The following LRCH2 variants were observed in gnomAD, a reference collection of about 807,000 sequenced individuals.
LRCH2 encodes leucine rich repeats and calponin homology domain containing 2, also known as leucine-rich repeat and calponin homology domain-containing protein 2.
Under a neutral mutation model 68.9 loss-of-function variants are expected in LRCH2, and 38 were observed. The observed-to-expected ratio is 0.55, with a 90% CI of 0.43 to 0.72. The LOEUF is 0.72. Among genes scored for constraint, LRCH2 ranks in the 30% least tolerant of loss-of-function variants. The pLI, the probability that LRCH2 is intolerant of heterozygous loss-of-function variation, is 0.00. For synonymous variants in LRCH2, 191 were observed against 208.1 expected (o/e 0.92, Z 0.71); for missense variants, 528 against 572.9 (o/e 0.92, Z 0.80).
In LRCH2 at chrX:115,184,489, A is replaced by G; in HGVS notation, c.543T>C (p.Leu181=). The G allele has an allele frequency of 8.4e-7, 1 of 1,189,518 alleles. No homozygotes were observed. The highest frequency in any genetic ancestry group is 1.9e-5 in the South Asian group (1 of 51,867). ...TATTATTACTGACGACCAAAACTTT[A>G]AGGGGAAGATCAAATAGGTATTTTG... The part of the protein sequence containing the change: ...TLPKYLFDLP[L]KVLVVSNNKL... Residue 181 remains leucine (L), a synonymous_variant, in exon 3 of 21, where the codon CTT becomes CTC. Transcript: ENST00000317135.
chrX:115,183,877 T>C (rs1275762635), intron 3 of LRCH2, among the ~76,000 whole-genome samples: 4 of 112,278 alleles, frequency 3.6e-5, no homozygotes, highest in African/African-American at 1.3e-4. Flanking sequence ...TAAAATGTTA[T>C]GTCCAAGGTA....
At chrX:115,221,348 AT>A (rs2073084296) in intron 1 of LRCH2, among the ~76,000 whole-genome samples, 2 of 107,785 alleles carry the variant, frequency 1.9e-5, no homozygotes, top group South Asian at 8.2e-4. Flanking sequence ...ATTTTTAAAA[AT>A]AACAAAACAA....
chrX:115,135,675 C>T (rs930205883), intron 14 of LRCH2, among the ~76,000 whole-genome samples: 4 of 111,144 alleles, frequency 3.6e-5, no homozygotes, highest in East Asian at 5.7e-4. Flanking sequence ...GAAGTTCTAC[C>T]GTACGTAAAA....
intron 5 of LRCH2, among the ~76,000 whole-genome samples, chrX:115,176,061 A>T (rs2072644367): frequency 8.9e-6 from 1 of 111,954 alleles, no homozygotes; most frequent in Admixed American, 9.5e-5. Context: ...TCTGCTGGAG[A>T]ACTGCTTGGT....
At chrX:115,130,484 T>A (rs2072234291) in intron 14 of LRCH2, among the ~76,000 whole-genome samples, 1 of 111,729 alleles carries the variant, frequency 9.0e-6, no homozygotes. Flanking sequence ...GAGGGTTGTC[T>A]TAGAATTTTC....
At chrX:115,190,791 C>T (rs782216444) in intron 1 of LRCH2, 44 of 1,164,090 alleles carry the variant, frequency 3.8e-5, no homozygotes, top group African/African-American at 1.3e-4. Flanking sequence ...GGTCCGACGA[C>T]GCCTACAGTG....
At chrX:115,228,883 T>C (rs1170993068) in intron 1 of LRCH2, among the ~76,000 whole-genome samples, 1 of 111,163 alleles carries the variant, frequency 9.0e-6, no homozygotes, top group African/African-American at 3.3e-5. Flanking sequence ...CTCTTATGTG[T>C]ACAGTATATT....
At chrX:115,170,165 G>C (rs990574870) in intron 6 of LRCH2, 134 bp downstream of exon 6, 2 of 538,849 alleles carry the variant, frequency 3.7e-6, no homozygotes, top group Non-Finnish European at 5.3e-6. Context: ...GTGATATGTA[G>C]CTTCAGCCAA....
chrX:115,218,296 A>G (rs1556572324), intron 1 of LRCH2, among the ~76,000 whole-genome samples: 1 of 112,452 alleles, frequency 8.9e-6, no homozygotes, highest in African/African-American at 3.2e-5. Context: ...TGTCTAGTAC[A>G]TCAGAATTGA....
chrX:115,166,311 C>G lies in LRCH2; in HGVS notation c.1030G>C (p.Gly344Arg). The change falls in exon 7 of 21, where the codon GGC becomes CGC. Residue 344 changes from glycine to arginine, a missense_variant. Coordinates refer to ENST00000317135, the MANE Select transcript of LRCH2 (RefSeq NM_020871.4). ...MEDFYPNKNH[G>R]PDSGIGSDNG... is the part of the protein sequence containing the mutation. Reference sequence around the variant, plus strand: ...TCACTTCCAATTCCAGAGTCAGGGCCATGATTTTTATTTGGATAAAAATCT... The same window carrying G: ...TCACTTCCAATTCCAGAGTCAGGGCGATGATTTTTATTTGGATAAAAATCT... 2 of 1,191,204 alleles carry G rather than the reference C, an allele frequency of 1.7e-6. No individual in the cohort carries two copies. Among genetic ancestry groups the G allele is most frequent in the Non-Finnish European group, 2.3e-6 (2 of 880,123 alleles).
chrX:115,163,887 G>A (rs782103960), intron 10 of LRCH2, 104 bp from the exon 11 acceptor site: 18 of 496,123 alleles, frequency 3.6e-5, no homozygotes, highest in Non-Finnish European at 5.6e-5. Flanking sequence ...CCATATGAAA[G>A]TTAAAATCCT....
At chrX:115,115,562 C>T (rs1043125792) in intron 20 of LRCH2, among the ~76,000 whole-genome samples, 2 of 110,553 alleles carry the variant, frequency 1.8e-5, no homozygotes, top group Non-Finnish European at 3.8e-5. Flanking sequence ...CAAAATGGAT[C>T]ACAGACAAAA....
chrX:115,192,627 A>T lies in LRCH2; in HGVS notation c.350-4257T>A. The T allele has an allele frequency of 1.7e-6, 2 of 1,169,663 alleles. No homozygotes were observed. The highest frequency in any genetic ancestry group is 2.3e-6 in the Non-Finnish European group (2 of 873,985). On this transcript the variant is annotated intron_variant, in intron 1 of 20. Coordinates refer to ENST00000317135, the MANE Select transcript of LRCH2 (RefSeq NM_020871.4). ...AAGGAGGCCGCTTCGAGAGGGGGGAAGGCCGGAGCAGATACTAAGCAGGAA... is the reference window on the plus strand; with the variant it reads ...AAGGAGGCCGCTTCGAGAGGGGGGATGGCCGGAGCAGATACTAAGCAGGAA...
intron 12 of LRCH2, among the ~76,000 whole-genome samples, chrX:115,151,575 GACAA>G (rs1379740879): frequency 2.7e-5 from 3 of 111,181 alleles, no homozygotes; most frequent in East Asian, 2.8e-4. Flanking sequence ...GAGCCTATGG[GACAA>G]ACAATCAAAA....
chrX:115,146,231 A>G (rs1428920840), intron 14 of LRCH2, among the ~76,000 whole-genome samples: 3 of 111,404 alleles, frequency 2.7e-5, no homozygotes, highest in African/African-American at 9.8e-5. Context: ...ATGTAAAAAC[A>G]ATTGAACTCA....
At position 115,232,966 on chromosome X, in the gene LRCH2, AT is replaced by A. The variant is rs782228615; in HGVS notation, c.349+726del. On this transcript the variant is annotated intron_variant, in intron 1 of 20. Transcript: ENST00000317135. ...CACAACTCCATAAAGAATGGAGATA[AT>A]TTTTTCTCAAAAATACCCTTAAAAT... Among the ~76,000 whole-genome samples, 10 of 111,881 alleles carry A rather than the reference AT, an allele frequency of 8.9e-5. No homozygotes were observed. The South Asian group carries it at 3.7e-3, about 42-fold the overall frequency.
At chrX:115,179,613 T>C in intron 4 of LRCH2, 33 bp downstream of exon 4, 1 of 1,109,215 alleles carries the variant, frequency 9.0e-7, no homozygotes, top group Non-Finnish European at 1.2e-6. Flanking sequence ...GTTACTCTCT[T>C]ATTCATGTGA....
chrX:115,171,657 T>C (rs1434285331), intron 5 of LRCH2, among the ~76,000 whole-genome samples: 2 of 110,397 alleles, frequency 1.8e-5, no homozygotes, highest in African/African-American at 3.3e-5. Context: ...TCCTCAATTC[T>C]ACTTCTCCTT....
intron 1 of LRCH2, chrX:115,192,253 G>A: frequency 1.7e-6 from 2 of 1,150,020 alleles, no homozygotes; most frequent in Non-Finnish European, 2.3e-6. Context: ...CAACAGTCAT[G>A]GCCGGAGCCA....
Sources: allele counts gnomAD v4.1 joint callset (sites outside exome capture counted in the v4.1 genomes callset), GRCh38; gene constraint gnomAD v4.1.1; transcripts MANE v1.5; gene names NCBI Gene and HGNC (gene_info 2026-07-23, HGNC 2026-07-21).